The following XPR1 variants were observed in gnomAD, a reference collection of about 807,000 sequenced individuals.
XPR1 encodes the protein xenotropic and polytropic retrovirus receptor 1.
A neutral mutation model predicts 87.5 loss-of-function variants in XPR1; 28 were observed. The ratio of observed to expected loss-of-function variants is 0.32; its 90% CI spans 0.24 to 0.44. XPR1 has a LOEUF of 0.44. Ranked by LOEUF, XPR1 falls within the 20% of genes least tolerant of loss-of-function variation. The pLI is 1.00. For missense variants in XPR1, 559 were observed against 862.3 expected (o/e 0.65, Z 4.41); for synonymous variants, 300 against 306.1 (o/e 0.98, Z 0.21).
chr1:180,786,295 A>G (rs1488292206), intron 2 of XPR1, among the ~76,000 whole-genome samples: 1 of 152,208 alleles, frequency 6.6e-6, no homozygotes, highest in Admixed American at 6.5e-5. Flanking sequence ...ATATGAATTT[A>G]TGTATGTGTG....
At chr1:180,820,511 T>C (rs1253691972) in intron 7 of XPR1, among the ~76,000 whole-genome samples, 1 of 152,242 alleles carries the variant, frequency 6.6e-6, no homozygotes, top group Admixed American at 6.5e-5. Context: ...ACAATTTGTT[T>C]ATCCATTCAT....
rs566361827 is a variant in XPR1, at chr1:180,684,529, G to T, written c.121+2118G>T. ...GTTTTTTCCAATTCTGTGAAGAAAG[G>T]CATTGGTAGCTTGATGGGGATGGCA... On this transcript the variant is annotated intron_variant, in intron 2 of 14. Coordinates refer to ENST00000367590, the MANE Select transcript of XPR1 (RefSeq NM_004736.4). 2.2e-3 allele frequency among the ~76,000 whole-genome samples: 333 copies of T among 152,062 alleles called. 1 individual carries two copies. Among genetic ancestry groups the T allele is most frequent in the African/African-American group, 6.1e-3 (251 of 41,470 alleles).
intron 13 of XPR1, among the ~76,000 whole-genome samples, chr1:180,879,054 G>C (rs1652756977): frequency 1.3e-5 from 2 of 152,104 alleles, no homozygotes; most frequent in South Asian, 2.1e-4. Context: ...AACCTAACAG[G>C]AACAGCCCTG....
chr1:180,736,092 G>A (rs1355680126), intron 2 of XPR1, among the ~76,000 whole-genome samples: 1 of 152,186 alleles, frequency 6.6e-6, no homozygotes, highest in Non-Finnish European at 1.5e-5. Flanking sequence ...AAGAAATAGA[G>A]TGCTATAGAA....
chr1:180,781,633 T>C (rs1648943416), intron 2 of XPR1, among the ~76,000 whole-genome samples: 1 of 151,756 alleles, frequency 6.6e-6, no homozygotes, highest in Non-Finnish European at 1.5e-5. Flanking sequence ...TTATTTTCCC[T>C]TCACTCCAAT....
At chr1:180,650,153 T>C (rs1571678321) in intron 1 of XPR1, among the ~76,000 whole-genome samples, 1 of 151,530 alleles carries the variant, frequency 6.6e-6, no homozygotes, top group East Asian at 1.9e-4. Flanking sequence ...CGATTGTCAT[T>C]TTAGTGGGGT....
Position 180,699,546 on chromosome 1 carries a change from A to T in XPR1, c.121+17135A>T, listed in dbSNP as rs1173013346. Among the ~76,000 whole-genome samples the T allele has an allele frequency of 7.8e-5, 3 of 38,560 alleles. No homozygotes were observed. The East Asian group carries it at 2.1e-3, about 27-fold the overall frequency. 25.3% of individuals were successfully genotyped at this position (38,560 alleles called of 152,430 possible). On this transcript the variant is annotated intron_variant, in intron 2 of 14. Transcript: ENST00000367590. ...ATGTCCCTACAAAGGACATGAACTC[A>T]TCATTTTTTATGGCTGCATAGTATT...
chr1:180,749,901 C>T (rs1259248933), intron 2 of XPR1, among the ~76,000 whole-genome samples: 1 of 152,068 alleles, frequency 6.6e-6, no homozygotes, highest in East Asian at 1.9e-4. Flanking sequence ...TAAAAACATA[C>T]CGTAGTTAAA....
intron 1 of XPR1, among the ~76,000 whole-genome samples, chr1:180,659,089 T>TCCC (rs1655641487): frequency 2.0e-5 from 3 of 150,408 alleles, no homozygotes; most frequent in Admixed American, 6.6e-5. Flanking sequence ...CCTTCCTTCC[T>TCCC]TCCTCCCTCC....
intron 2 of XPR1, among the ~76,000 whole-genome samples, chr1:180,685,664 G>A (rs554250586): frequency 5.5e-4 from 84 of 152,172 alleles, no homozygotes; most frequent in African/African-American, 1.8e-3. Context: ...CAATTTCAGA[G>A]CCTGTTATTG....
chr1:180,786,656 T>C (rs1238398480), intron 2 of XPR1, among the ~76,000 whole-genome samples: 1 of 152,170 alleles, frequency 6.6e-6, no homozygotes, highest in East Asian at 1.9e-4. Flanking sequence ...TGCAGAAACA[T>C]GTATTGATTG....
intron 2 of XPR1, among the ~76,000 whole-genome samples, chr1:180,715,426 T>A (rs1050664908): frequency 6.6e-6 from 1 of 152,152 alleles, no homozygotes; most frequent in East Asian, 1.9e-4. Context: ...ATTGCCTTAT[T>A]TTTTATCATA....
chr1:180,807,337 C>G (rs1452567300), intron 6 of XPR1, among the ~76,000 whole-genome samples: 1 of 152,158 alleles, frequency 6.6e-6, no homozygotes, highest in African/African-American at 2.4e-5. Flanking sequence ...AGAATAGCTA[C>G]TATAACTAAC....
Position 180,787,775 on chromosome 1 carries a change from G to C in XPR1, c.144G>C (p.Lys48Asn). The C allele has an allele frequency of 1.9e-6, 3 of 1,612,822 alleles. No individual in the cohort carries two copies. The highest frequency in any genetic ancestry group is 2.5e-6 in the Non-Finnish European group (3 of 1,179,570). ...CAGTTACAGATGAGGACACAGTAAA[G>C]AGGTATTTTGCCAAGTTTGAAGAGA... The part of the protein sequence containing the change: ...SVEVTDEDTV[K>N]RYFAKFEEKF... The change falls in exon 3 of 15, where the codon AAG (lysine) becomes AAC (asparagine). Residue 48 changes from lysine to asparagine, a missense_variant. Transcript: ENST00000367590.
chr1:180,701,915 G>GT (rs1253872479), intron 2 of XPR1, among the ~76,000 whole-genome samples: 2 of 118,276 alleles, frequency 1.7e-5, no homozygotes, highest in Admixed American at 8.1e-5. Flanking sequence ...TTTTTGAAGG[G>GT]TTTTTTGTGT....
intron 2 of XPR1, among the ~76,000 whole-genome samples, chr1:180,708,629 T>G (rs1379562924): frequency 6.6e-6 from 1 of 152,092 alleles, no homozygotes; most frequent in African/African-American, 2.4e-5. Flanking sequence ...ACTCCTATTT[T>G]TAGCCCTAAA....
intron 2 of XPR1, among the ~76,000 whole-genome samples, chr1:180,783,507 C>T (rs1649023397): frequency 6.6e-6 from 1 of 151,976 alleles, no homozygotes; most frequent in East Asian, 1.9e-4. Flanking sequence ...GAGGTAACCA[C>T]AACAGATTGT....
intron 2 of XPR1, among the ~76,000 whole-genome samples, chr1:180,753,662 A>G (rs1647617719): frequency 1.3e-5 from 2 of 151,852 alleles, no homozygotes; most frequent in African/African-American, 2.4e-5. Flanking sequence ...TAGTAGTTTT[A>G]TAATACTCAT....
intron 11 of XPR1, among the ~76,000 whole-genome samples, chr1:180,852,758 C>A (rs1016392316): frequency 1.3e-5 from 2 of 152,188 alleles, no homozygotes; most frequent in South Asian, 2.1e-4. Flanking sequence ...AACTCCTGGA[C>A]TGAAGCAATC....
Sources: gnomAD v4.1 joint callset for allele counts (sites outside exome capture counted in the v4.1 genomes callset) on GRCh38, gnomAD v4.1.1 for gene constraint, MANE v1.5 for transcripts, NCBI Gene and HGNC (gene_info 2026-07-23, HGNC 2026-07-21) for gene names.